The following PLA2G4A variants were observed in gnomAD, a reference collection of about 807,000 sequenced individuals.
PLA2G4A encodes the protein cytosolic phospholipase A2.
Under a neutral mutation model 81.9 loss-of-function variants are expected in PLA2G4A, and 40 were observed. The ratio of observed to expected loss-of-function variants is 0.49; its 90% CI spans 0.38 to 0.64. PLA2G4A has a LOEUF of 0.64. Among genes scored for constraint, PLA2G4A ranks in the 30% least tolerant of loss-of-function variants. The probability of loss-of-function intolerance (pLI) is 0.00; values close to 1 mark genes in which losing one functional copy is unlikely to be tolerated. For synonymous variants in PLA2G4A, 302 were observed against 296.9 expected, an observed-to-expected ratio of 1.02 and a Z score of -0.18; for missense variants, 715 against 905.1, an observed-to-expected ratio of 0.79 and a Z score of 2.69.
In PLA2G4A at chr1:186,870,788, G is replaced by A. The variant is rs552711842; in HGVS notation, c.115+272G>A. On this transcript the variant is annotated intron_variant, in intron 3 of 17. Transcript: ENST00000367466. ...TCTTTGCTGTTAAACGTATAATTAT[G>A]GTTCAGCCTTTAATTACTTGAGTTC... 463 of 1,316,496 alleles carry A rather than the reference G, an allele frequency of 3.5e-4. 2 individuals are homozygous for A. In the South Asian group the frequency reaches 5.3e-3, roughly 15 times the overall value. 81.6% of individuals were successfully genotyped at this position (1,316,496 alleles called of 1,614,324 possible).
chr1:186,964,655 C>A (rs894655713), intron 14 of PLA2G4A, among the ~76,000 whole-genome samples: 7 of 152,164 alleles, frequency 4.6e-5, no homozygotes, highest in Non-Finnish European at 1.5e-5. Context: ...GTTACTTACT[C>A]CTTATTATAG....
intron 15 of PLA2G4A, among the ~76,000 whole-genome samples, chr1:186,972,886 T>C (rs1429209105): frequency 6.6e-6 from 1 of 152,196 alleles, no homozygotes; most frequent in Non-Finnish European, 1.5e-5. Context: ...AAAGTATCTG[T>C]ATTTTTCCAC....
intron 5 of PLA2G4A, among the ~76,000 whole-genome samples, chr1:186,903,298 T>C (rs998315290): frequency 6.6e-6 from 1 of 152,192 alleles, no homozygotes; most frequent in Non-Finnish European, 1.5e-5. Context: ...TTATTGAAAG[T>C]AAATGTTGTA....
intron 1 of PLA2G4A, among the ~76,000 whole-genome samples, chr1:186,842,194 C>T (rs1192083651): frequency 6.6e-6 from 1 of 151,988 alleles, no homozygotes. Flanking sequence ...AGACACCCAC[C>T]ACCACACCTG....
chr1:186,950,410 C>T (rs940783141), intron 12 of PLA2G4A, among the ~76,000 whole-genome samples: 1 of 151,936 alleles, frequency 6.6e-6, no homozygotes, highest in African/African-American at 2.4e-5. Context: ...ATAAAATTAT[C>T]CTCTTTAAGT....
chr1:186,923,049 T>C (rs1655413346), intron 7 of PLA2G4A, among the ~76,000 whole-genome samples: 1 of 152,176 alleles, frequency 6.6e-6, no homozygotes, highest in African/African-American at 2.4e-5. Flanking sequence ...GCTTGTGGAT[T>C]TCATTTCTGC....
At chr1:186,890,564 A>T (rs1052049854) in intron 3 of PLA2G4A, among the ~76,000 whole-genome samples, 2 of 152,154 alleles carry the variant, frequency 1.3e-5, no homozygotes, top group African/African-American at 4.8e-5. Flanking sequence ...AAATAGAAAA[A>T]ACCGTTACTG....
intron 7 of PLA2G4A, among the ~76,000 whole-genome samples, chr1:186,920,188 A>C (rs1229913951): frequency 6.6e-6 from 1 of 152,152 alleles, no homozygotes; most frequent in Admixed American, 6.5e-5. Flanking sequence ...AAGAGCCATG[A>C]TAATTCCTGT....
At chr1:186,977,516 A>G in intron 15 of PLA2G4A, 77 bp from the exon 16 acceptor site, 1 of 922,182 alleles carries the variant, frequency 1.1e-6, no homozygotes, top group Non-Finnish European at 1.8e-6. Flanking sequence ...CACCTAGTGA[A>G]CACTGAATTA....
At chr1:186,984,476 T>A (rs1038033136) in intron 17 of PLA2G4A, among the ~76,000 whole-genome samples, 1 of 152,208 alleles carries the variant, frequency 6.6e-6, no homozygotes, top group African/African-American at 2.4e-5. Flanking sequence ...TGCAAAGTAA[T>A]GAGCTTTTTT....
chr1:186,886,008 A>G (rs1380938022), intron 3 of PLA2G4A, among the ~76,000 whole-genome samples: 1 of 152,092 alleles, frequency 6.6e-6, no homozygotes, highest in African/African-American at 2.4e-5. Context: ...CCAATAAAAT[A>G]TATTGAAAAG....
intron 13 of PLA2G4A, among the ~76,000 whole-genome samples, chr1:186,952,909 C>T (rs1304750571): frequency 6.6e-6 from 1 of 152,096 alleles, no homozygotes; most frequent in East Asian, 1.9e-4. Context: ...AATAATATTA[C>T]ATTGTCAGGT....
intron 15 of PLA2G4A, among the ~76,000 whole-genome samples, chr1:186,973,682 T>C (rs1351009978): frequency 6.6e-6 from 1 of 152,246 alleles, no homozygotes; most frequent in East Asian, 1.9e-4. Context: ...AAAAGTGCTC[T>C]GTAAACTCTA....
intron 10 of PLA2G4A, among the ~76,000 whole-genome samples, chr1:186,945,519 A>G (rs535421650): frequency 1.2e-4 from 19 of 152,284 alleles, no homozygotes; most frequent in African/African-American, 4.3e-4. Context: ...GTGGAGGTCC[A>G]GGAGAGAGAA....
chr1:186,912,769 T>TATTTATATATACATATATATAC (rs1655002275), intron 7 of PLA2G4A, among the ~76,000 whole-genome samples: 2 of 120,738 alleles, frequency 1.7e-5, no homozygotes, highest in African/African-American at 8.0e-5. Context: ...TACATAAGTA[T>TATTTATATATACATATATATAC]ATATATATGT....
intron 2 of PLA2G4A, among the ~76,000 whole-genome samples, chr1:186,854,888 C>T (rs910645652): frequency 2.0e-5 from 3 of 151,678 alleles, no homozygotes; most frequent in African/African-American, 7.3e-5. Flanking sequence ...CATAATTTTC[C>T]GAACTCCAGT....
At chr1:186,905,381 G>A (rs925268412) in intron 5 of PLA2G4A, among the ~76,000 whole-genome samples, 3 of 140,670 alleles carry the variant, frequency 2.1e-5, no homozygotes, top group Non-Finnish European at 4.5e-5. Context: ...CATTTTAAGG[G>A]CAATTTTTAT....
At chr1:186,923,420 A>T (rs1655435161) in intron 7 of PLA2G4A, among the ~76,000 whole-genome samples, 1 of 152,228 alleles carries the variant, frequency 6.6e-6, no homozygotes, top group Non-Finnish European at 1.5e-5. Flanking sequence ...GAAAAATGAT[A>T]TTACAAATTC....
Position 186,946,437 on chromosome 1 carries a change from T to C in PLA2G4A, c.1034-200T>C, listed in dbSNP as rs1656348379. Among the ~76,000 whole-genome samples, 2 of 115,144 alleles carry C rather than the reference T, an allele frequency of 1.7e-5. 1 individual carries two copies. The highest frequency in any genetic ancestry group is 6.4e-4 in the South Asian group (2 of 3,128). 75.5% of individuals were successfully genotyped at this position (115,144 alleles called of 152,430 possible). On this transcript the variant is annotated intron_variant, in intron 10 of 17. Coordinates refer to ENST00000367466, the MANE Select transcript of PLA2G4A (RefSeq NM_024420.3). ...AGGGATCTTTTTGTATCGTCTTGTC[T>C]TATTCACCTCTAAGCGTTTTTCCCC...
Sources: gnomAD v4.1 joint callset for allele counts (sites outside exome capture counted in the v4.1 genomes callset) on GRCh38, gnomAD v4.1.1 for gene constraint, MANE v1.5 for transcripts, NCBI Gene and HGNC (gene_info 2026-07-23, HGNC 2026-07-21) for gene names.